VIRMA: variants seen among roughly 807,000 people sequenced by gnomAD.
The protein encoded by VIRMA is protein virilizer homolog.
Under a neutral mutation model 182.4 loss-of-function variants are expected in VIRMA, and 65 were observed. That is an observed-to-expected ratio of 0.36 (90% CI 0.29 to 0.44). The LOEUF is 0.44. Among genes scored for constraint, VIRMA ranks in the 20% least tolerant of loss-of-function variants. The pLI is 1.00. For synonymous variants in VIRMA, 709 were observed against 743.1 expected (o/e 0.95, Z 0.75); for missense variants, 1,752 against 2,158.1 (o/e 0.81, Z 3.73).
chr8:94,495,911 G>T lies in VIRMA; in HGVS notation c.4384-20C>A, dbSNP rs1461178191. ...ATGTTCCTAGATACAAATAAAGGCAGAATAAGAAGGTGCAGGTAAAACTTA... is the reference window on the plus strand; with the variant it reads ...ATGTTCCTAGATACAAATAAAGGCATAATAAGAAGGTGCAGGTAAAACTTA... On this transcript the variant is annotated intron_variant, in intron 18 of 23. Coordinates refer to ENST00000297591, the MANE Select transcript of VIRMA (RefSeq NM_015496.5). 1.9e-6 allele frequency: 3 copies of T among 1,604,058 alleles called. No homozygotes were observed. The highest frequency in any genetic ancestry group is 1.3e-5 in the African/African-American group (1 of 74,518).
intron 15 of VIRMA, among the ~76,000 whole-genome samples, chr8:94,508,238 T>C (rs927813917): frequency 2.6e-4 from 39 of 151,968 alleles, no homozygotes; most frequent in Admixed American, 2.4e-3. Flanking sequence ...TACAGATGCA[T>C]GCCACCACGC....
At chr8:94,548,767 T>C (rs1244488960) in intron 1 of VIRMA, among the ~76,000 whole-genome samples, 1 of 152,172 alleles carries the variant, frequency 6.6e-6, no homozygotes, top group Non-Finnish European at 1.5e-5. Flanking sequence ...GCCATTCTCC[T>C]ACCTCAGCCT....
rs769894839 is a variant in VIRMA, at chr8:94,519,448, A to T, written c.2050T>A (p.Leu684Met). 6.6e-7 allele frequency: 1 copy of T among 1,526,094 alleles called. No individual in the cohort carries two copies. Among genetic ancestry groups the T allele is most frequent in the South Asian group, 1.3e-5 (1 of 74,760 alleles). 94.5% of individuals were successfully genotyped at this position (1,526,094 alleles called of 1,614,324 possible). ...RYLHSHHFLELVTLLLSIPVT... is the reference protein window; with the variant it reads ...RYLHSHHFLEMVTLLLSIPVT... ...GGAATTGACAGAAGCAAGGTAACCA[A>T]CTCCAAGAAGTGATGACTGTGAAGA... The change falls in exon 9 of 24, where the codon TTG becomes ATG. Residue 684 changes from leucine (L) to methionine (M), a missense_variant. By Grantham distance (15) the Leu-to-Met change is conservative. Around this residue, in one of 11 missense-constraint regions of VIRMA, gnomAD observed 401 missense variants for 455.1 expected, o/e 0.88. Transcript: ENST00000297591.
At chr8:94,493,532 T>C (rs1005997080) in intron 20 of VIRMA, among the ~76,000 whole-genome samples, 2 of 152,208 alleles carry the variant, frequency 1.3e-5, no homozygotes, top group Non-Finnish European at 2.9e-5. Context: ...CACATTTCAA[T>C]TGTACAACAG....
Position 94,487,964 on chromosome 8 carries a change from GTT to G in VIRMA, c.*740_*741del, listed in dbSNP as rs1813500103. The G allele has an allele frequency of 6.6e-6, 1 of 152,152 alleles. No individual in the cohort carries two copies. The highest frequency in any genetic ancestry group is 2.1e-4 in the South Asian group (1 of 4,832). 9.4% of individuals were successfully genotyped at this position (152,152 alleles called of 1,614,324 possible). ...CTAATACAAAGGAGAGGAGTATTTT[GTT>G]TCTTTTGGTACAGCCATGGTTCCCA... On this transcript the variant is annotated 3_prime_UTR_variant, in exon 24 of 24. Coordinates refer to ENST00000297591, the MANE Select transcript of VIRMA (RefSeq NM_015496.5).
chr8:94,517,723 A>T, intron 10 of VIRMA, 65 bp downstream of exon 10: 1 of 1,142,922 alleles, frequency 8.7e-7, no homozygotes, highest in Non-Finnish European at 1.2e-6. Context: ...AGGACTAATT[A>T]CAGATATTCA....
chr8:94,494,717 C>T (rs1187626987), intron 20 of VIRMA, 143 bp downstream of exon 20: 2 of 525,114 alleles, frequency 3.8e-6, no homozygotes, highest in East Asian at 3.6e-5. Context: ...ATGAAGTGGG[C>T]AAGTGGCATA....
intron 1 of VIRMA, among the ~76,000 whole-genome samples, chr8:94,547,964 G>A (rs1815831930): frequency 7.1e-6 from 1 of 140,962 alleles, no homozygotes; most frequent in Non-Finnish European, 1.6e-5. Context: ...GGATCGCCCA[G>A]GTCAAAGTTG....
At chr8:94,542,905 G>C (rs1414383413) in intron 2 of VIRMA, among the ~76,000 whole-genome samples, 3 of 152,030 alleles carry the variant, frequency 2.0e-5, no homozygotes, top group Non-Finnish European at 2.9e-5. Context: ...AAAGTAGCTA[G>C]TTTAACTCTT....
At chr8:94,502,136 G>A (rs2130283066) in intron 16 of VIRMA, among the ~76,000 whole-genome samples, 1 of 152,176 alleles carries the variant, frequency 6.6e-6, no homozygotes, top group East Asian at 1.9e-4. Flanking sequence ...ATATGTTTAG[G>A]ATTGTAATAT....
chr8:94,523,880 C>T (rs996147997), intron 8 of VIRMA, among the ~76,000 whole-genome samples: 8 of 152,104 alleles, frequency 5.3e-5, no homozygotes, highest in African/African-American at 1.7e-4. Context: ...GAACCTCCAA[C>T]CTCCCGGGTT....
At chr8:94,514,109 A>C in intron 11 of VIRMA, among the ~76,000 whole-genome samples, 1 of 152,082 alleles carries the variant, frequency 6.6e-6, no homozygotes, top group South Asian at 2.1e-4. Flanking sequence ...ACACGCAAAC[A>C]CACGTGCATG....
Position 94,526,986 on chromosome 8 carries a change from A to T in VIRMA, c.1258T>A (p.Leu420Met). The T allele has an allele frequency of 6.2e-7, 1 of 1,614,234 alleles. No homozygotes were observed. Among genetic ancestry groups the T allele is most frequent in the South Asian group, 1.1e-5 (1 of 91,090 alleles). Residue 420 changes from leucine to methionine, a missense_variant, in exon 8 of 24, where the codon TTG becomes ATG. Physicochemically the swap from Leu to Met is conservative, Grantham distance 15 (BLOSUM62 2). This residue lies in a region of VIRMA where 401 missense variants were observed against 455.1 expected (regional missense o/e 0.88). Transcript: ENST00000297591. ...AGGGAGTCTTGTTTTGTGTTTTTCA[A>T]TTGCAAATAGCTTAACCCTTTTATT... ...LIIKGLSYLQ[L>M]KNTKQDSLGQ...
Position 94,552,105 on chromosome 8 carries a change from C to G in VIRMA, c.63+1280G>C, listed in dbSNP as rs190888794. ...TGCCTCCATTGAGGGTTTTCTAAATCTCGGCTAGAATGTTAGATATAGTCA... is the reference window on the plus strand; with the variant it reads ...TGCCTCCATTGAGGGTTTTCTAAATGTCGGCTAGAATGTTAGATATAGTCA... On this transcript the variant is annotated intron_variant, in intron 1 of 23. Coordinates refer to ENST00000297591, the MANE Select transcript of VIRMA (RefSeq NM_015496.5). 3.6e-4 allele frequency among the ~76,000 whole-genome samples: 55 copies of G among 152,320 alleles called. 1 individual carries two copies. In the East Asian group the frequency reaches 0.01, roughly 28 times the overall value.
At chr8:94,521,262 G>A (rs1370156825) in intron 8 of VIRMA, among the ~76,000 whole-genome samples, 2 of 151,942 alleles carry the variant, frequency 1.3e-5, no homozygotes, top group Non-Finnish European at 2.9e-5. Flanking sequence ...GTGTCCATGT[G>A]TTCTCACCGT....
Position 94,488,588 on chromosome 8 carries a change from A to T in VIRMA, c.*118T>A. 2.1e-6 allele frequency: 2 copies of T among 952,798 alleles called. No individual in the cohort carries two copies. Among genetic ancestry groups the T allele is most frequent in the Non-Finnish European group, 3.0e-6 (2 of 669,954 alleles). The allele number at this position is 952,798 out of a possible 1,614,324, so 59.0% of individuals were successfully genotyped here. On this transcript the variant is annotated 3_prime_UTR_variant, in exon 24 of 24. Coordinates refer to ENST00000297591, the MANE Select transcript of VIRMA (RefSeq NM_015496.5). ...AAACAAATTCTGCTTTCTTCAGATA[A>T]AAATATTCTCTCAGATGTCTCCAGA...
chr8:94,538,474 ATAACAAAAATATAGT>A (rs1267920913), intron 2 of VIRMA, 128 bp from the exon 3 acceptor site: 1 of 589,990 alleles, frequency 1.7e-6, no homozygotes, highest in East Asian at 2.9e-5. Flanking sequence ...TAAGATTTAA[ATAACAAAAATATAGT>A]TAACTATGAT....
rs1341551845 is a variant in VIRMA, at chr8:94,491,640, T to C, written c.5078A>G (p.Asn1693Ser). The C allele has an allele frequency of 6.2e-7, 1 of 1,614,074 alleles. No individual in the cohort carries two copies. The highest frequency in any genetic ancestry group is 8.5e-7 in the Non-Finnish European group (1 of 1,180,040). The change falls in exon 22 of 24, where the codon AAT (asparagine) becomes AGT (serine). Residue 1693 changes from asparagine (N) to serine (S), a missense_variant. Asn to Ser is a conservative substitution (Grantham distance 46). Transcript: ENST00000297591. ...GTGGAAAGCACCCCGTCCTCCTCTA[T>C]TGCCTGAAAACCCACCACGGGAAGA... ...KISSRGGFSG[N>S]RGGRGAFHSQ...
Position 94,543,818 on chromosome 8 carries a change from T to G in VIRMA, c.179+9A>C, listed in dbSNP as rs749240842. 2 of 1,436,970 alleles carry G rather than the reference T, an allele frequency of 1.4e-6. No homozygotes were observed. Among genetic ancestry groups the G allele is most frequent in the Non-Finnish European group, 1.9e-6 (2 of 1,038,786 alleles). 89.0% of individuals were successfully genotyped at this position (1,436,970 alleles called of 1,614,324 possible). A position where few individuals can be genotyped will look rare whatever the true frequency, so the allele number is the denominator to read the frequency against. On this transcript the variant is annotated intron_variant, in intron 2 of 23. Coordinates refer to ENST00000297591, the MANE Select transcript of VIRMA (RefSeq NM_015496.5). ...CCAAAAAATACTTTTAAAAAGAGAGTTGACTTACCCATATGCTCTATTGTC... is the reference window on the plus strand; with the variant it reads ...CCAAAAAATACTTTTAAAAAGAGAGGTGACTTACCCATATGCTCTATTGTC...
Sources: gnomAD v4.1 joint callset for allele counts (sites outside exome capture counted in the v4.1 genomes callset) on GRCh38, gnomAD v4.1.1 for gene constraint, gnomAD v4.1.1 regional missense constraint, MANE v1.5 for transcripts, NCBI Gene and HGNC (gene_info 2026-07-23, HGNC 2026-07-21) for gene names.